The following ZMAT4 variants were observed in gnomAD, a reference collection of about 807,000 sequenced individuals.
ZMAT4 encodes zinc finger matrin-type 4.
In ZMAT4, 17 loss-of-function variants were observed where a neutral mutation model predicts 28.7. That is an observed-to-expected ratio of 0.59 (90% CI 0.41 to 0.89). ZMAT4 has a LOEUF of 0.89. Among genes scored for constraint, ZMAT4 ranks in the 40% least tolerant of loss-of-function variants. ZMAT4 has a pLI of 0.00. For missense variants in ZMAT4, 240 were observed against 283.8 expected (o/e 0.85, Z 1.11); for synonymous variants, 117 against 109.2 (o/e 1.07, Z -0.44).
chr8:40,755,920 C>T (rs1227902377), intron 3 of ZMAT4, among the ~76,000 whole-genome samples: 2 of 152,158 alleles, frequency 1.3e-5, no homozygotes, highest in Non-Finnish European at 2.9e-5. Flanking sequence ...GCCAGTGTGG[C>T]ACATAAATAC....
chr8:40,820,533 T>C (rs1294757909), intron 2 of ZMAT4, among the ~76,000 whole-genome samples: 10 of 151,300 alleles, frequency 6.6e-5, no homozygotes, highest in Non-Finnish European at 1.3e-4. Flanking sequence ...TGCATGTGTT[T>C]ATGTGTGCAT....
intron 6 of ZMAT4, among the ~76,000 whole-genome samples, chr8:40,559,962 A>G (rs1001162107): frequency 6.6e-6 from 1 of 152,114 alleles, no homozygotes; most frequent in East Asian, 1.9e-4. Context: ...CCTCAGGCAG[A>G]AACCGCAGAG....
At chr8:40,548,324 G>C (rs1803265597) in intron 6 of ZMAT4, among the ~76,000 whole-genome samples, 1 of 151,876 alleles carries the variant, frequency 6.6e-6, no homozygotes, top group Non-Finnish European at 1.5e-5. Flanking sequence ...GGAAGAAGAG[G>C]AAGGATATAA....
At position 40,581,810 on chromosome 8, in the gene ZMAT4, A is replaced by G. The variant is rs912681489; in HGVS notation, c.578-549T>C. On this transcript the variant is annotated intron_variant, in intron 5 of 6. Transcript: ENST00000297737. Reference sequence around the variant, plus strand: ...TCCACCAGAATTTAGAAGGCAATCTATTCATTCACTTTTTCATTCATTTAA... The same window carrying G: ...TCCACCAGAATTTAGAAGGCAATCTGTTCATTCACTTTTTCATTCATTTAA... 7.2e-5 allele frequency among the ~76,000 whole-genome samples: 11 copies of G among 152,346 alleles called. No individual in the cohort carries two copies. In the East Asian group the frequency reaches 2.1e-3, roughly 29 times the overall value.
intron 3 of ZMAT4, among the ~76,000 whole-genome samples, chr8:40,731,410 A>G (rs1811535098): frequency 1.0e-5 from 1 of 95,452 alleles, no homozygotes. Flanking sequence ...GAGACAGCCT[A>G]CAATGATCAG....
chr8:40,639,934 A>T (rs1806947574), intron 5 of ZMAT4, among the ~76,000 whole-genome samples: 2 of 152,030 alleles, frequency 1.3e-5, no homozygotes, highest in South Asian at 4.1e-4. Context: ...GTCCTCTCTC[A>T]TTCTATTATA....
intron 5 of ZMAT4, among the ~76,000 whole-genome samples, chr8:40,622,001 G>A (rs1482531680): frequency 2.0e-5 from 3 of 152,126 alleles, no homozygotes; most frequent in Admixed American, 2.0e-4. Flanking sequence ...GTAAAAATAG[G>A]CATTCCATTT....
chr8:40,561,946 G>C (rs1234351837), intron 6 of ZMAT4, among the ~76,000 whole-genome samples: 1 of 152,114 alleles, frequency 6.6e-6, no homozygotes, highest in East Asian at 1.9e-4. Context: ...GTGTGTAAGA[G>C]AGAAAAAGAG....
chr8:40,693,526 G>T (rs1809746483), intron 4 of ZMAT4, among the ~76,000 whole-genome samples: 1 of 152,160 alleles, frequency 6.6e-6, no homozygotes. Context: ...CCCGTTGTGA[G>T]TTTCTGTATA....
intron 1 of ZMAT4, among the ~76,000 whole-genome samples, chr8:40,846,115 C>G (rs765144821): frequency 2.6e-5 from 4 of 152,236 alleles, no homozygotes; most frequent in Non-Finnish European, 5.9e-5. Flanking sequence ...CAGCCAGCCC[C>G]AGCTGAGACC....
At chr8:40,892,443 G>A (rs1434961521) in intron 1 of ZMAT4, among the ~76,000 whole-genome samples, 1 of 152,172 alleles carries the variant, frequency 6.6e-6, no homozygotes, top group Admixed American at 6.5e-5. Context: ...AGAGTCATCG[G>A]CATAAACAGG....
At chr8:40,697,447 A>G (rs2150494583) in intron 3 of ZMAT4, 46 bp from the exon 4 acceptor site, 1 of 1,443,266 alleles carries the variant, frequency 6.9e-7, no homozygotes, top group South Asian at 1.6e-5. Context: ...AACCCATTCC[A>G]TTCTTTTACA....
intron 4 of ZMAT4, among the ~76,000 whole-genome samples, chr8:40,691,400 A>G (rs1809655230): frequency 9.8e-6 from 1 of 102,524 alleles, no homozygotes; most frequent in African/African-American, 3.6e-5. Context: ...CACTAAATAG[A>G]CTGCAAAAAA....
At chr8:40,669,433 C>A (rs1158269128) in intron 5 of ZMAT4, among the ~76,000 whole-genome samples, 1 of 151,948 alleles carries the variant, frequency 6.6e-6, no homozygotes, top group Non-Finnish European at 1.5e-5. Flanking sequence ...TAAAGTTACA[C>A]CGAGAGTGCC....
chr8:40,726,545 C>T (rs888235766), intron 3 of ZMAT4, among the ~76,000 whole-genome samples: 2 of 152,226 alleles, frequency 1.3e-5, no homozygotes, highest in African/African-American at 4.8e-5. Context: ...AATCTCATAG[C>T]TGTTCCGTGT....
intron 2 of ZMAT4, among the ~76,000 whole-genome samples, chr8:40,798,414 A>T (rs1814684607): frequency 6.6e-6 from 1 of 152,232 alleles, no homozygotes; most frequent in South Asian, 2.1e-4. Context: ...CAGGCAGGAC[A>T]TCTTATTTTT....
chr8:40,828,837 C>G (rs1333841396), intron 1 of ZMAT4, among the ~76,000 whole-genome samples: 2 of 152,034 alleles, frequency 1.3e-5, no homozygotes, highest in Non-Finnish European at 2.9e-5. Flanking sequence ...ATTTATCATG[C>G]AGAGACTGGA....
At chr8:40,815,522 G>A (rs1178267307) in intron 2 of ZMAT4, among the ~76,000 whole-genome samples, 1 of 152,162 alleles carries the variant, frequency 6.6e-6, no homozygotes, top group Admixed American at 6.5e-5. Context: ...AAGACTCTGG[G>A]ATACCACAGG....
chr8:40,721,712 C>T (rs1330220447), intron 3 of ZMAT4, among the ~76,000 whole-genome samples: 1 of 151,932 alleles, frequency 6.6e-6, no homozygotes, highest in East Asian at 1.9e-4. Flanking sequence ...TTTTGATTTG[C>T]ATTTCCCTGA....
Sources: allele counts gnomAD v4.1 joint callset (sites outside exome capture counted in the v4.1 genomes callset), GRCh38; gene constraint gnomAD v4.1.1; transcripts MANE v1.5; gene names NCBI Gene and HGNC (gene_info 2026-07-23, HGNC 2026-07-21).